Variants in ADAMTS2 observed in about 807,000 individuals in gnomAD.
ADAMTS2 encodes A disintegrin and metalloproteinase with thrombospondin motifs 2.
A neutral mutation model predicts 123.0 loss-of-function variants in ADAMTS2; 50 were observed. The ratio of observed to expected loss-of-function variants is 0.41; its 90% CI spans 0.32 to 0.51. The LOEUF (loss-of-function observed/expected upper bound fraction) is 0.51, where lower values mean the gene tolerates loss of function less well. Ranked by LOEUF, ADAMTS2 falls within the 20% of genes least tolerant of loss-of-function variation. The probability of loss-of-function intolerance (pLI) is 0.35; values close to 1 mark genes in which losing one functional copy is unlikely to be tolerated. For synonymous variants in ADAMTS2, 678 were observed against 695.4 expected, an observed-to-expected ratio of 0.98 and a Z score of 0.39; for missense variants, 1,494 against 1,705.2, an observed-to-expected ratio of 0.88 and a Z score of 2.18.
chr5:179,148,365 G>A (rs1026723183), intron 10 of ADAMTS2, among the ~76,000 whole-genome samples: 2 of 152,168 alleles, frequency 1.3e-5, no homozygotes, highest in Admixed American at 6.5e-5. Context: ...TCTTCTCCAG[G>A]AACAGCCCCC....
Position 179,185,671 on chromosome 5 carries a change from A to AGCC in ADAMTS2, c.892-4519_892-4517dup, listed in dbSNP as rs201484041. Among the ~76,000 whole-genome samples, 3,520 of 152,068 alleles carry AGCC rather than the reference A, an allele frequency of 0.023. 151 individuals are homozygous for AGCC. Among genetic ancestry groups the AGCC allele is most frequent in the African/African-American group, 0.079 (3,287 of 41,476 alleles). ...ATGGAACTCCCTGGGATAGACCGTC[A>AGCC]GCCTCACATTCTGCTTGGAGGTGGG... On this transcript the variant is annotated intron_variant, in intron 4 of 21. Transcript: ENST00000251582. The surrounding 1 kb of genome is among the most constrained non-coding windows in gnomAD (Gnocchi z 5.9).
At chr5:179,163,714 G>C (rs918616126) in intron 5 of ADAMTS2, among the ~76,000 whole-genome samples, 1 of 152,184 alleles carries the variant, frequency 6.6e-6, no homozygotes, top group African/African-American at 2.4e-5. Flanking sequence ...AAGTGATCTT[G>C]CTGCTGCGGC....
rs1581143324 is a variant in ADAMTS2 at position 179,132,788 on chromosome 5, G to C, written c.2198C>G (p.Pro733Arg). The C allele has an allele frequency of 1.9e-6, 3 of 1,614,078 alleles. No homozygotes were observed. The South Asian group carries it at 3.3e-5, about 18-fold the overall frequency. The change falls in exon 14 of 22, where the codon CCC becomes CGC. Residue 733 changes from proline (P) to arginine (R), a missense_variant. By Grantham distance (103) the Pro-to-Arg change is moderately radical (BLOSUM62 -2). Coordinates refer to ENST00000251582, the MANE Select transcript of ADAMTS2 (RefSeq NM_014244.5). This position sits in a 1 kb window ranked among gnomAD's most constrained non-coding sequence, Gnocchi z 6.1. ...AGGGACCCACTCACCATGCTTCTTG[G>C]GTGACCGTGTGAACGTGCCCTTGAC... ...KVVKGTFTRS[P>R]KKHGYIKMFE...
chr5:179,329,832 G>A (rs1463876433), intron 2 of ADAMTS2, among the ~76,000 whole-genome samples: 2 of 152,202 alleles, frequency 1.3e-5, no homozygotes, highest in Non-Finnish European at 2.9e-5. Flanking sequence ...AGCCATTAAA[G>A]AAACAAGTTT....
At chr5:179,322,831 C>G (rs1437706358) in intron 2 of ADAMTS2, among the ~76,000 whole-genome samples, 1 of 152,244 alleles carries the variant, frequency 6.6e-6, no homozygotes, top group Non-Finnish European at 1.5e-5. Context: ...GGGAGTTAAT[C>G]TCTCACACAC....
intron 2 of ADAMTS2, among the ~76,000 whole-genome samples, chr5:179,280,336 G>A (rs80061978): frequency 2.4e-4 from 36 of 152,296 alleles, no homozygotes; most frequent in African/African-American, 7.9e-4. Flanking sequence ...AGCACTGGAC[G>A]CTGAGCCAGG....
chr5:179,169,592 T>A (rs2113289204), intron 5 of ADAMTS2, among the ~76,000 whole-genome samples: 2 of 152,278 alleles, frequency 1.3e-5, no homozygotes, highest in South Asian at 4.1e-4. Context: ...GGGCTGTCCC[T>A]GGGGTGAGGC....
chr5:179,299,593 TC>T (rs1301174508), intron 2 of ADAMTS2, among the ~76,000 whole-genome samples: 8 of 145,842 alleles, frequency 5.5e-5, no homozygotes, highest in Admixed American at 3.4e-4. Flanking sequence ...AGATCTGAAG[TC>T]CACAATGGGT....
intron 3 of ADAMTS2, among the ~76,000 whole-genome samples, chr5:179,230,731 G>T (rs1214060396): frequency 1.3e-5 from 2 of 152,198 alleles, no homozygotes; most frequent in African/African-American, 4.8e-5. Flanking sequence ...GGTTATCAAG[G>T]CCTGCGCAGT....
intron 2 of ADAMTS2, among the ~76,000 whole-genome samples, chr5:179,300,501 A>T (rs1327832925): frequency 6.6e-6 from 1 of 152,238 alleles, no homozygotes. Context: ...GAAACAAAAG[A>T]ATAGCATCCT....
chr5:179,295,336 A>AG (rs1056581882), intron 2 of ADAMTS2, among the ~76,000 whole-genome samples: 67 of 152,300 alleles, frequency 4.4e-4, no homozygotes, highest in African/African-American at 1.4e-3. Context: ...CCCTGGGTGA[A>AG]GGGGGGCACC....
intron 3 of ADAMTS2, among the ~76,000 whole-genome samples, chr5:179,251,092 C>T (rs1448014587): frequency 6.6e-6 from 1 of 152,196 alleles, no homozygotes; most frequent in African/African-American, 2.4e-5. Context: ...CAGAAAGAGC[C>T]CAATTCTGCA....
chr5:179,233,538 T>C (rs892541532), intron 3 of ADAMTS2, among the ~76,000 whole-genome samples: 1 of 152,022 alleles, frequency 6.6e-6, no homozygotes, highest in African/African-American at 2.4e-5. Flanking sequence ...AATACAAAAA[T>C]TAGCCAGGCG....
At position 179,158,801 on chromosome 5, in the gene ADAMTS2, G is replaced by C; in HGVS notation, c.1054C>G (p.Pro352Ala). The change falls in exon 6 of 22, where the codon CCA (proline) becomes GCA (alanine). Residue 352 changes from proline (P) to alanine (A), a missense_variant. Around this residue, in one of 6 missense-constraint regions of ADAMTS2, gnomAD observed 70 missense variants for 85.3 expected, o/e 0.82. Transcript: ENST00000251582. This position sits in a 1 kb window ranked among gnomAD's most constrained non-coding sequence, Gnocchi z 5.0. ...VCRWAYLQQKPDTGHDEYHDH... is the reference protein window; with the variant it reads ...VCRWAYLQQKADTGHDEYHDH... ...TGGTATTCATCGTGGCCCGTGTCTG[G>C]CTTCTGCTGGAGGTAGGCCCAGCGG... The C allele has an allele frequency of 6.2e-7, 1 of 1,614,250 alleles. No homozygotes were observed. The highest frequency in any genetic ancestry group is 8.5e-7 in the Non-Finnish European group (1 of 1,180,052).
At chr5:179,219,853 G>A (rs1283248773) in intron 3 of ADAMTS2, among the ~76,000 whole-genome samples, 1 of 151,982 alleles carries the variant, frequency 6.6e-6, no homozygotes, top group Non-Finnish European at 1.5e-5. Context: ...CCCAGCACCC[G>A]CCGAACTACC....
In ADAMTS2 at chr5:179,135,996, C is replaced by T. The variant is rs548886013; in HGVS notation, c.1998G>A (p.Glu666=). 13 of 1,613,492 alleles carry T rather than the reference C, an allele frequency of 8.1e-6. No individual in the cohort carries two copies. The South Asian group carries it at 1.3e-4, about 16-fold the overall frequency. The change falls in exon 13 of 22, where the codon GAG becomes GAA. Residue 666 remains glutamate (E), a synonymous_variant. Transcript: ENST00000251582. Reference sequence around the variant, plus strand: ...GCACCATGCGCTTCATGGACACCACCTCCCCGGTCTCCCTGGACTCGCAGT... The same window carrying T: ...GCACCATGCGCTTCATGGACACCACTTCCCCGGTCTCCCTGGACTCGCAGT... The part of the protein sequence containing the change: ...HLYCESRETG[E]VVSMKRMVHD...
Position 179,179,382 on chromosome 5 carries a change from T to C in ADAMTS2, c.975+1690A>G, listed in dbSNP as rs572274095. ...ACAAAATCGTTTTAGCTGTATAAAA[T>C]TCACAATATTTTCTTTATGACCCAA... On this transcript the variant is annotated intron_variant, in intron 5 of 21. Coordinates refer to ENST00000251582, the MANE Select transcript of ADAMTS2 (RefSeq NM_014244.5). 7.9e-5 allele frequency among the ~76,000 whole-genome samples: 12 copies of C among 152,258 alleles called. No individual in the cohort carries two copies. The East Asian group carries it at 2.3e-3, about 29-fold the overall frequency.
chr5:179,208,802 C>T (rs1427104791), intron 3 of ADAMTS2, among the ~76,000 whole-genome samples: 2 of 152,182 alleles, frequency 1.3e-5, no homozygotes, highest in Non-Finnish European at 2.9e-5. Flanking sequence ...CAGGTCCCAG[C>T]CCCAGGGTCT....
At chr5:179,203,434 C>T (rs973373148) in intron 4 of ADAMTS2, among the ~76,000 whole-genome samples, 5 of 152,242 alleles carry the variant, frequency 3.3e-5, no homozygotes, top group African/African-American at 1.2e-4. Context: ...TTTGCTTTCG[C>T]TCCAGCCACG....
Sources: gnomAD v4.1 joint callset for allele counts (sites outside exome capture counted in the v4.1 genomes callset) on GRCh38, gnomAD v4.1.1 for gene constraint, gnomAD v4.1.1 regional missense constraint, Gnocchi (gnomAD v3.1) non-coding constraint, MANE v1.5 for transcripts, NCBI Gene and HGNC (gene_info 2026-07-23, HGNC 2026-07-21) for gene names.